Variants in ULK4 observed in about 807,000 individuals in gnomAD.
The protein encoded by ULK4 is inactive serine/threonine-protein kinase ULK4.
Under a neutral mutation model 160.6 loss-of-function variants are expected in ULK4, and 133 were observed. That is an observed-to-expected ratio of 0.83 (90% CI 0.72 to 0.96). ULK4 has a LOEUF of 0.96. Ranked by LOEUF, ULK4 falls within the 40% of genes least tolerant of loss-of-function variation. The pLI, the probability that ULK4 is intolerant of heterozygous loss-of-function variation, is 0.00. For synonymous variants in ULK4, 534 were observed against 539.8 expected (o/e 0.99, Z 0.15); for missense variants, 1,580 against 1,499.5 (o/e 1.05, Z -0.89).
chr3:41,574,527 TC>T (rs1443864319), intron 31 of ULK4, among the ~76,000 whole-genome samples: 2 of 84,154 alleles, frequency 2.4e-5, no homozygotes, highest in Non-Finnish European at 2.7e-5. Flanking sequence ...GCTACCAGAG[TC>T]CTCTTTTTTT....
At position 41,705,515 on chromosome 3, in the gene ULK4, A is replaced by T. The variant is rs147359560; in HGVS notation, c.2635-210T>A. ...AAACAATAATCTCTTTTTTTTTTTG[A>T]GACAGCGTTTTGTTCTTGTTGCCCA... is the stretch of plus-strand genomic sequence containing the variant. On this transcript the variant is annotated intron_variant, in intron 25 of 36. Transcript: ENST00000301831. Among the ~76,000 whole-genome samples the T allele has an allele frequency of 2.0e-5, 3 of 149,834 alleles. No individual in the cohort carries two copies. The East Asian group carries it at 5.9e-4, about 29-fold the overall frequency.
intron 18 of ULK4, among the ~76,000 whole-genome samples, chr3:41,821,529 GT>G (rs372589798): frequency 1.3e-5 from 2 of 152,248 alleles, no homozygotes; most frequent in African/African-American, 4.8e-5. Flanking sequence ...AACAGGACAG[GT>G]TCCTCCATTC....
chr3:41,393,418 C>T (rs1465447111), intron 35 of ULK4, among the ~76,000 whole-genome samples: 1 of 152,144 alleles, frequency 6.6e-6, no homozygotes, highest in Non-Finnish European at 1.5e-5. Context: ...TCTTCCCAAT[C>T]TGGCTCCATG....
chr3:41,790,735 C>T (rs2040125094), intron 20 of ULK4, among the ~76,000 whole-genome samples: 2 of 152,100 alleles, frequency 1.3e-5, no homozygotes, highest in Admixed American at 1.3e-4. Context: ...AGAAGAAAAC[C>T]TTATGATCTA....
chr3:41,806,223 G>A (rs369249952), intron 19 of ULK4, among the ~76,000 whole-genome samples: 7,552 of 148,368 alleles, frequency 0.051, 365 homozygotes, highest in East Asian at 0.15. Flanking sequence ...GAGGGTGTAT[G>A]TGTCGAGGAA....
intron 35 of ULK4, among the ~76,000 whole-genome samples, chr3:41,343,892 G>T (rs2080743089): frequency 6.6e-6 from 1 of 152,148 alleles, no homozygotes; most frequent in Non-Finnish European, 1.5e-5. Context: ...TCATGGATAG[G>T]AAGAATCAAT....
chr3:41,938,074 C>A, intron 3 of ULK4, 24 bp downstream of exon 3: 1 of 1,544,214 alleles, frequency 6.5e-7, no homozygotes, highest in Non-Finnish European at 8.8e-7. Context: ...ATATTCATAG[C>A]ACTTTTTACA....
In ULK4 at chr3:41,717,737, G is replaced by A. The variant is rs757230923; in HGVS notation, c.2446C>T (p.Arg816Ter). The A allele has an allele frequency of 2.5e-6, 4 of 1,611,900 alleles. No homozygotes were observed. In the African/African-American group the frequency reaches 4.0e-5, roughly 16 times the overall value. ...TGAGACTCCAATTTACCCAGGATTCGTGGCAGCTCCTGCACAATGTGACAG... is the reference window on the plus strand; with the variant it reads ...TGAGACTCCAATTTACCCAGGATTCATGGCAGCTCCTGCACAATGTGACAG... ...LICHIVQELP[R>*]ILGDILNSLA... The change falls in exon 23 of 37, where the codon CGA becomes TGA. Residue 816 changes from arginine to a stop codon, truncating the protein, a stop_gained. Transcript: ENST00000301831. LOFTEE classifies it high-confidence loss of function.
At chr3:41,305,421 T>C (rs935760573) in intron 35 of ULK4, among the ~76,000 whole-genome samples, 1 of 152,224 alleles carries the variant, frequency 6.6e-6, no homozygotes, top group African/African-American at 2.4e-5. Flanking sequence ...GGGGTTTCGC[T>C]GTGTTGGCCA....
chr3:41,346,771 A>G (rs562635316), intron 35 of ULK4, among the ~76,000 whole-genome samples: 1 of 152,354 alleles, frequency 6.6e-6, no homozygotes, highest in African/African-American at 2.4e-5. Context: ...GAAGACAGCA[A>G]GCAGAGATAT....
chr3:41,519,162 A>G (rs572695712), intron 32 of ULK4, among the ~76,000 whole-genome samples: 4 of 152,194 alleles, frequency 2.6e-5, no homozygotes, highest in East Asian at 1.9e-4. Context: ...TCAATCTTCA[A>G]CCTGTTGGAA....
intron 31 of ULK4, among the ~76,000 whole-genome samples, chr3:41,588,052 G>A (rs542606819): frequency 6.6e-6 from 1 of 152,280 alleles, no homozygotes; most frequent in South Asian, 2.1e-4. Flanking sequence ...GATTGCTGTT[G>A]AAATCAGGCT....
chr3:41,475,963 G>A (rs2084128866), intron 32 of ULK4, among the ~76,000 whole-genome samples: 1 of 150,592 alleles, frequency 6.6e-6, no homozygotes, highest in African/African-American at 2.4e-5. Context: ...AAGGATGGAG[G>A]GAAAGAGGGA....
intron 36 of ULK4, among the ~76,000 whole-genome samples, chr3:41,248,996 C>A (rs1219243422): frequency 7.9e-5 from 12 of 152,214 alleles, no homozygotes; most frequent in Admixed American, 6.5e-5. Flanking sequence ...TCCCTCTGAA[C>A]TTCTGGCTGA....
intron 31 of ULK4, among the ~76,000 whole-genome samples, chr3:41,569,934 A>G (rs960139284): frequency 1.3e-5 from 2 of 152,188 alleles, no homozygotes; most frequent in African/African-American, 4.8e-5. Context: ...TTAAACTTAC[A>G]TGGGCAGAAG....
chr3:41,658,630 A>G (rs1044774303), intron 30 of ULK4, among the ~76,000 whole-genome samples: 16 of 152,140 alleles, frequency 1.1e-4, no homozygotes, highest in Non-Finnish European at 2.1e-4. Flanking sequence ...AAGGAGTGGC[A>G]CAGATAGTAT....
intron 21 of ULK4, among the ~76,000 whole-genome samples, chr3:41,761,684 A>G (rs1393274455): frequency 1.3e-5 from 2 of 152,110 alleles, no homozygotes; most frequent in Admixed American, 6.5e-5. Context: ...CTTTTACTTT[A>G]CATAGAATGT....
intron 21 of ULK4, among the ~76,000 whole-genome samples, chr3:41,767,977 CAGA>C (rs2039223732): frequency 6.6e-6 from 1 of 152,180 alleles, no homozygotes; most frequent in South Asian, 2.1e-4. Flanking sequence ...GGCTGCACAG[CAGA>C]AGGTGAGCGG....
chr3:41,423,353 T>C (rs1386599), intron 34 of ULK4, among the ~76,000 whole-genome samples: 88,344 of 151,914 alleles, frequency 0.58, 27,157 homozygotes, highest in African/African-American at 0.8. Flanking sequence ...CTTTCCTACC[T>C]CTAAAATTTA....
Sources: gnomAD v4.1 joint callset for allele counts (sites outside exome capture counted in the v4.1 genomes callset) on GRCh38, gnomAD v4.1.1 for gene constraint, MANE v1.5 for transcripts, NCBI Gene and HGNC (gene_info 2026-07-23, HGNC 2026-07-21) for gene names.